ARID1A: variants seen among roughly 807,000 people sequenced by gnomAD.
The protein encoded by ARID1A is AT-rich interaction domain 1A.
In ARID1A, 20 loss-of-function variants were observed where a neutral mutation model predicts 212.6. The ratio of observed to expected loss-of-function variants is 0.09; its 90% CI spans 0.07 to 0.14. ARID1A has a LOEUF of 0.14. Among genes scored for constraint, ARID1A ranks in the 10% least tolerant of loss-of-function variants. The pLI is 1.00. For synonymous variants in ARID1A, 1,376 were observed against 1,222.1 expected (o/e 1.13, Z -2.63); for missense variants, 2,587 against 3,059.0 (o/e 0.85, Z 3.64).
At chr1:26,722,652 A>G (rs2080576556) in intron 1 of ARID1A, among the ~76,000 whole-genome samples, 1 of 152,234 alleles carries the variant, frequency 6.6e-6, no homozygotes, top group Non-Finnish European at 1.5e-5. Flanking sequence ...CTCTCTCACC[A>G]AAGGCAGATG....
chr1:26,775,294 A>G (rs1164412929), intron 18 of ARID1A, 74 bp downstream of exon 18: 6 of 1,501,742 alleles, frequency 4.0e-6, no homozygotes, highest in Admixed American at 2.3e-5. Context: ...CCACCTTACT[A>G]TTCTGGATGA....
Position 26,760,889 on chromosome 1 carries a change from G to A in ARID1A, c.1954G>A (p.Gly652Arg), listed in dbSNP as rs2124054178. 1.9e-6 allele frequency: 3 copies of A among 1,613,838 alleles called. No homozygotes were observed. Among genetic ancestry groups the A allele is most frequent in the Non-Finnish European group, 2.5e-6 (3 of 1,179,904 alleles). ...LSGSIDDLPM[G>R]TEGALSPGVS... The stretch of plus-strand genomic sequence containing the variant: ...TGGTTCAATAGATGACCTCCCCATG[G>A]GGACAGAAGGAGCTCTGAGTCCTGG... Residue 652 changes from glycine (G) to arginine (R), a missense_variant, in exon 5 of 20, where the codon GGG becomes AGG. Around this residue, in one of 11 missense-constraint regions of ARID1A, gnomAD observed 674 missense variants for 813.4 expected, o/e 0.83. Transcript: ENST00000324856.
chr1:26,712,989 G>C (rs552503197), intron 1 of ARID1A, among the ~76,000 whole-genome samples: 2 of 152,234 alleles, frequency 1.3e-5, no homozygotes, highest in Non-Finnish European at 2.9e-5. Flanking sequence ...TCTGCTACCA[G>C]GCCTCTTTTT....
intron 1 of ARID1A, among the ~76,000 whole-genome samples, chr1:26,705,386 C>T (rs1220710714): frequency 6.6e-6 from 1 of 151,822 alleles, no homozygotes; most frequent in Non-Finnish European, 1.5e-5. Flanking sequence ...GTGATCCACC[C>T]ACCTTGGCCT....
At chr1:26,710,767 G>C (rs2080445838) in intron 1 of ARID1A, among the ~76,000 whole-genome samples, 2 of 152,160 alleles carry the variant, frequency 1.3e-5, no homozygotes, top group African/African-American at 4.8e-5. Flanking sequence ...AGTATATCCA[G>C]ATTACCTGAG....
rs771089466 is a variant in ARID1A at position 26,732,800 on chromosome 1, TTTCTGCACC to T, written c.1920+14_1920+22del. 6.2e-7 allele frequency: 1 copy of T among 1,602,262 alleles called. No individual in the cohort carries two copies. The highest frequency in any genetic ancestry group is 1.1e-5 in the South Asian group (1 of 90,762). ...AGACCCTCCAGCTTGCCTGTGAGTA[TTTCTGCACC>T]TTCTGAAAGGTGATAGGGGCAGAGA... On this transcript the variant is annotated intron_variant, in intron 4 of 19. Transcript: ENST00000324856.
chr1:26,763,069 G>T lies in ARID1A; in HGVS notation c.2516G>T (p.Gly839Val), dbSNP rs374582065. Residue 839 changes from glycine to valine, a missense_variant, in exon 8 of 20, where the codon GGT becomes GTT. By Grantham distance (109) the Gly-to-Val change is moderately radical. Transcript: ENST00000324856. The part of the protein sequence containing the change: ...AGGINPMGAG[G>V]QMHGQPGIPP... ...GGCATAAACCCCATGGGTGCCGGAG[G>T]TCAAATGCATGGACAGCCTGGCATC... 5.3e-5 allele frequency: 85 copies of T among 1,614,098 alleles called. No homozygotes were observed. Among genetic ancestry groups the T allele is most frequent in the Non-Finnish European group, 6.3e-5 (74 of 1,180,038 alleles).
intron 4 of ARID1A, among the ~76,000 whole-genome samples, chr1:26,747,676 A>G (rs1320587845): frequency 6.7e-6 from 1 of 148,382 alleles, no homozygotes; most frequent in African/African-American, 2.5e-5. Context: ...CAAGATCCCC[A>G]TCTCTACCAA....
At chr1:26,768,067 C>A in intron 11 of ARID1A, 68 bp downstream of exon 11, 1 of 1,492,360 alleles carries the variant, frequency 6.7e-7, no homozygotes. Flanking sequence ...TACTCACTGG[C>A]TTCATGTGGT....
intron 1 of ARID1A, among the ~76,000 whole-genome samples, chr1:26,708,266 C>CT (rs397860721): frequency 0.083 from 1,970 of 23,740 alleles, 885 homozygotes; most frequent in Non-Finnish European, 0.11. Context: ...CAGTCCTTCA[C>CT]TTTTTTTTTT....
chr1:26,774,195 TTTG>T lies in ARID1A; in HGVS notation c.4102-131_4102-129del. ...TTTTGGAAACAACTTCAAAAGACAA[TTTG>T]TTAAGGTGATTCCCATGTTTTCTTG... is the stretch of plus-strand genomic sequence containing the variant. On this transcript the variant is annotated intron_variant, in intron 17 of 19. Coordinates refer to ENST00000324856, the MANE Select transcript of ARID1A (RefSeq NM_006015.6). The surrounding 1 kb of genome is among the most constrained non-coding windows in gnomAD (Gnocchi z 5.6). The T allele has an allele frequency of 6.9e-7, 1 of 1,439,932 alleles. No individual in the cohort carries two copies. The highest frequency in any genetic ancestry group is 1.5e-5 in the South Asian group (1 of 65,482). 89.2% of individuals were successfully genotyped at this position (1,439,932 alleles called of 1,614,324 possible).
chr1:26,734,517 A>G (rs1047212334), intron 4 of ARID1A, among the ~76,000 whole-genome samples: 5 of 152,150 alleles, frequency 3.3e-5, no homozygotes, highest in Non-Finnish European at 7.4e-5. Flanking sequence ...ATCACAAGGA[A>G]CATTCCCACG....
intron 8 of ARID1A, chr1:26,765,864 CAA>C (rs201978407): frequency 2.6e-3 from 350 of 135,558 alleles, no homozygotes; most frequent in South Asian, 4.4e-3. Context: ...AACTCTGTCT[CAA>C]AAAAAAAAAA....
intron 1 of ARID1A, among the ~76,000 whole-genome samples, chr1:26,703,908 G>C (rs1324428150): frequency 6.6e-6 from 1 of 152,206 alleles, no homozygotes; most frequent in Admixed American, 6.5e-5. Context: ...TTCATAAATG[G>C]ATGTAGACCA....
At chr1:26,739,043 C>G (rs1045182214) in intron 4 of ARID1A, among the ~76,000 whole-genome samples, 1 of 151,848 alleles carries the variant, frequency 6.6e-6, no homozygotes, top group Non-Finnish European at 1.5e-5. Flanking sequence ...CCCACCACCA[C>G]GCCTGGCTAA....
chr1:26,718,647 A>T (rs897320529), intron 1 of ARID1A, among the ~76,000 whole-genome samples: 11 of 152,202 alleles, frequency 7.2e-5, no homozygotes, highest in African/African-American at 2.7e-4. Flanking sequence ...TACTTATAAT[A>T]CCTCATACAA....
chr1:26,768,999 C>T (rs1320999969), intron 11 of ARID1A, among the ~76,000 whole-genome samples: 1 of 152,184 alleles, frequency 6.6e-6, no homozygotes, highest in Non-Finnish European at 1.5e-5. Context: ...ATTCCTTCTC[C>T]CTTCAGGCTT....
At chr1:26,725,443 C>T (rs2080607036) in intron 1 of ARID1A, among the ~76,000 whole-genome samples, 1 of 152,092 alleles carries the variant, frequency 6.6e-6, no homozygotes, top group Admixed American at 6.6e-5. Context: ...GCTCACCTCC[C>T]CTTCTGATTT....
At position 26,775,204 on chromosome 1, in the gene ARID1A, C is replaced by T. The variant is rs534386623; in HGVS notation, c.4977C>T (p.Leu1659=). ...CTGTGTTGAAGCAGAGGAGGCGGCT[C>T]ACAATGAAAGACATTGGTAAGGAGA... The part of the protein sequence containing the change: ...TQPVLKQRRR[L]TMKDIGTPEA... The change falls in exon 18 of 20, where the codon CTC becomes CTT. Residue 1659 remains leucine, a synonymous_variant. Coordinates refer to ENST00000324856, the MANE Select transcript of ARID1A (RefSeq NM_006015.6). 1 of 1,592,616 alleles carries T rather than the reference C, an allele frequency of 6.3e-7. No individual in the cohort carries two copies. The highest frequency in any genetic ancestry group is 1.1e-5 in the South Asian group (1 of 88,370).
Sources: gnomAD v4.1 joint callset for allele counts (sites outside exome capture counted in the v4.1 genomes callset) on GRCh38, gnomAD v4.1.1 for gene constraint, gnomAD v4.1.1 regional missense constraint, Gnocchi (gnomAD v3.1) non-coding constraint, MANE v1.5 for transcripts, NCBI Gene and HGNC (gene_info 2026-07-23, HGNC 2026-07-21) for gene names.